SLN: variants seen among roughly 807,000 people sequenced by gnomAD.
SLN encodes sarcolipin.
For missense variants in SLN, 34 were observed against 37.4 expected, an observed-to-expected ratio of 0.91 and a Z score of 0.24; for synonymous variants, 19 against 14.4, an observed-to-expected ratio of 1.32 and a Z score of -0.72.
intron 1 of SLN, among the ~76,000 whole-genome samples, chr11:107,709,655 T>A (rs1394846947): frequency 2.0e-5 from 3 of 152,104 alleles, no homozygotes; most frequent in African/African-American, 7.2e-5. Context: ...AAGACCAGCT[T>A]AGGCAACATA....
intron 1 of SLN, among the ~76,000 whole-genome samples, chr11:107,708,516 A>T (rs1249184440): frequency 2.6e-5 from 4 of 152,190 alleles, no homozygotes; most frequent in East Asian, 3.9e-4. Flanking sequence ...CCAATTCCTT[A>T]AAAACAGACA....
intron 1 of SLN, among the ~76,000 whole-genome samples, chr11:107,708,867 C>T (rs1233869853): frequency 6.6e-6 from 1 of 152,084 alleles, no homozygotes; most frequent in Admixed American, 6.6e-5. Context: ...TCTTTCAGGC[C>T]TCAGGCTGCT....
Position 107,707,773 on chromosome 11 carries a change from C to T in SLN, c.*62G>A, listed in dbSNP as rs1444118833. The T allele has an allele frequency of 1.6e-6, 2 of 1,257,318 alleles. No homozygotes were observed. Among genetic ancestry groups the T allele is most frequent in the African/African-American group, 1.5e-5 (1 of 67,666 alleles). The allele number at this position is 1,257,318 out of a possible 1,614,324, so 77.9% of individuals were successfully genotyped here. Reference sequence around the variant, plus strand: ...TGTGACAATGACAGCAGTGGGGTCTCAGGGCATAGAGCAGGCAGCTCCGGA... The same window carrying T: ...TGTGACAATGACAGCAGTGGGGTCTTAGGGCATAGAGCAGGCAGCTCCGGA... On this transcript the variant is annotated 3_prime_UTR_variant, in exon 2 of 2. Coordinates refer to ENST00000305991, the MANE Select transcript of SLN (RefSeq NM_003063.3).
intron 1 of SLN, among the ~76,000 whole-genome samples, chr11:107,711,020 G>A (rs1036174921): frequency 1.3e-5 from 2 of 152,138 alleles, no homozygotes; most frequent in African/African-American, 2.4e-5. Context: ...GTCAAAAATA[G>A]GGAGGTTAAT....
intron 1 of SLN, among the ~76,000 whole-genome samples, chr11:107,710,165 A>G (rs542334964): frequency 1.2e-4 from 19 of 152,374 alleles, no homozygotes; most frequent in South Asian, 1.2e-3. Flanking sequence ...AAACTTATCA[A>G]TGAAATAAAA....
At chr11:107,710,760 G>T (rs766196709) in intron 1 of SLN, among the ~76,000 whole-genome samples, 4 of 152,138 alleles carry the variant, frequency 2.6e-5, no homozygotes, top group African/African-American at 9.7e-5. Context: ...AAGGACGTGC[G>T]TGCCAGGTTA....
intron 1 of SLN, among the ~76,000 whole-genome samples, chr11:107,708,576 C>T (rs905070228): frequency 1.3e-5 from 2 of 152,144 alleles, no homozygotes; most frequent in Non-Finnish European, 2.9e-5. Flanking sequence ...CTCTGAAGAG[C>T]CCTAATGATT....
At chr11:107,711,917 T>TACAC (rs373442234) in intron 1 of SLN, 46 bp downstream of exon 1, 5 of 151,922 alleles carry the variant, frequency 3.3e-5, no homozygotes, top group Non-Finnish European at 7.4e-5. Context: ...TTGCAGCTTG[T>TACAC]ACACACACAC....
At chr11:107,709,849 G>A (rs539874219) in intron 1 of SLN, among the ~76,000 whole-genome samples, 1 of 151,828 alleles carries the variant, frequency 6.6e-6, no homozygotes, top group Non-Finnish European at 1.5e-5. Context: ...TGGGCGTGGT[G>A]GCTCATGCCT....
At chr11:107,710,783 G>A (rs1867203308) in intron 1 of SLN, among the ~76,000 whole-genome samples, 1 of 152,152 alleles carries the variant, frequency 6.6e-6, no homozygotes, top group Admixed American at 6.6e-5. Flanking sequence ...TAAATAAAGA[G>A]TTCACAGCAA....
intron 1 of SLN, 84 bp from the exon 2 acceptor site, chr11:107,708,089 G>GGA: frequency 1.6e-6 from 1 of 631,456 alleles, no homozygotes; most frequent in South Asian, 1.9e-5. Context: ...AAAGGAAACA[G>GGA]AAGTGTTGTG....
intron 1 of SLN, among the ~76,000 whole-genome samples, chr11:107,709,244 C>A (rs1344441828): frequency 1.3e-5 from 2 of 152,062 alleles, no homozygotes; most frequent in African/African-American, 2.4e-5. Flanking sequence ...ATTTATGCAG[C>A]CTAAATGAAA....
intron 1 of SLN, among the ~76,000 whole-genome samples, chr11:107,710,911 C>T (rs146990109): frequency 1.0e-3 from 159 of 152,192 alleles, no homozygotes; most frequent in Admixed American, 2.5e-3. Flanking sequence ...AATATATGAA[C>T]TATAGCTACA....
In SLN at chr11:107,707,637, G is replaced by A. The variant is rs1867168749; in HGVS notation, c.*198C>T. The A allele has an allele frequency of 2.0e-6, 1 of 507,796 alleles. No homozygotes were observed. The highest frequency in any genetic ancestry group is 3.5e-6 in the Non-Finnish European group (1 of 285,940). 31.5% of individuals were successfully genotyped at this position (507,796 alleles called of 1,614,324 possible). On this transcript the variant is annotated 3_prime_UTR_variant, in exon 2 of 2. Coordinates refer to ENST00000305991, the MANE Select transcript of SLN (RefSeq NM_003063.3). The stretch of plus-strand genomic sequence containing the variant: ...TCTACCGTTCCCTGGCAAACACTTG[G>A]CAGCCCTTGGGAGCAGCATCTTTGG...
rs765261430 is a variant in SLN at position 107,707,946 on chromosome 11, G to T, written c.-16C>A. 1 of 1,600,394 alleles carries T rather than the reference G, an allele frequency of 6.2e-7. No individual in the cohort carries two copies. Among genetic ancestry groups the T allele is most frequent in the South Asian group, 1.1e-5 (1 of 90,820 alleles). On this transcript the variant is annotated 5_prime_UTR_variant, in exon 2 of 2. Transcript: ENST00000305991. Reference sequence around the variant, plus strand: ...TTATCCCCATTTTCACAGCGGCTTGGTGAGAACTGCAGGCAGATTTCTGAG... The same window carrying T: ...TTATCCCCATTTTCACAGCGGCTTGTTGAGAACTGCAGGCAGATTTCTGAG...
Position 107,707,550 on chromosome 11 carries a change from C to A in SLN, c.*285G>T. 1 of 348,554 alleles carries A rather than the reference C, an allele frequency of 2.9e-6. No homozygotes were observed. Among genetic ancestry groups the A allele is most frequent in the South Asian group, 4.7e-5 (1 of 21,318 alleles). 21.6% of individuals were successfully genotyped at this position (348,554 alleles called of 1,614,324 possible). Reference sequence around the variant, plus strand: ...GTAACAATCCTACATCATCATGAATCCAGTTTAATTTTAACTTTGTGGCTT... The same window carrying A: ...GTAACAATCCTACATCATCATGAATACAGTTTAATTTTAACTTTGTGGCTT... On this transcript the variant is annotated 3_prime_UTR_variant, in exon 2 of 2. Coordinates refer to ENST00000305991, the MANE Select transcript of SLN (RefSeq NM_003063.3).
chr11:107,710,645 C>A (rs1034340511), intron 1 of SLN, among the ~76,000 whole-genome samples: 1 of 152,166 alleles, frequency 6.6e-6, no homozygotes, highest in Non-Finnish European at 1.5e-5. Flanking sequence ...ACAAAGTTAG[C>A]ATAAATTTTC....
chr11:107,708,665 G>A (rs186317671), intron 1 of SLN, among the ~76,000 whole-genome samples: 1 of 152,060 alleles, frequency 6.6e-6, no homozygotes, highest in Non-Finnish European at 1.5e-5. Flanking sequence ...TGTGATGATC[G>A]TATTGGTGCT....
Position 107,707,888 on chromosome 11 carries a change from CA to C in SLN, c.42del (p.Ile14MetfsTer3). The C allele has an allele frequency of 1.2e-6, 2 of 1,613,990 alleles. No homozygotes were observed. Among genetic ancestry groups the C allele is most frequent in the Non-Finnish European group, 1.7e-6 (2 of 1,179,966 alleles). ...CACATAAGAATAACCGTAATCAAGA[CA>C]ATAGTGAAGTTGAGAAACAGCTCCC... The part of the protein sequence containing the change: ...NTRELFLNFT[I>X]VLITVILMWL... On this transcript the variant is annotated frameshift_variant, in exon 2 of 2. Transcript: ENST00000305991. LOFTEE classifies it high-confidence loss of function.
Sources: gnomAD v4.1 joint callset for allele counts (sites outside exome capture counted in the v4.1 genomes callset) on GRCh38, gnomAD v4.1.1 for gene constraint, MANE v1.5 for transcripts, NCBI Gene and HGNC (gene_info 2026-07-23, HGNC 2026-07-21) for gene names.